Variants in PDE1A observed in about 807,000 individuals in gnomAD.
The protein encoded by PDE1A is phosphodiesterase 1A.
In PDE1A, 35 loss-of-function variants were observed where a neutral mutation model predicts 61.7. That is an observed-to-expected ratio of 0.57 (90% CI 0.43 to 0.75). PDE1A has a LOEUF of 0.75. Ranked by LOEUF, PDE1A falls within the 30% of genes least tolerant of loss-of-function variation. The pLI is 0.00. For missense variants in PDE1A, 597 were observed against 630.6 expected, an observed-to-expected ratio of 0.95 and a Z score of 0.57; for synonymous variants, 232 against 213.2, an observed-to-expected ratio of 1.09 and a Z score of -0.77.
chr2:182,687,648 G>A, the PDE1A span, among the ~76,000 whole-genome samples: 2 of 152,226 alleles, frequency 1.3e-5, no homozygotes, highest in African/African-American at 4.8e-5. Flanking sequence ...AAGGAACGCA[G>A]CTCCTCACCA....
chr2:182,635,698 C>CTCTCTCTCTCTA, the PDE1A span, among the ~76,000 whole-genome samples: 1,270 of 147,550 alleles, frequency 8.6e-3, 8 homozygotes, highest in African/African-American at 0.024. Context: ...CTCTCTCTCT[C>CTCTCTCTCTCTA]TCCACATATG....
chr2:182,187,995 G>A (rs966862588), intron 11 of PDE1A, among the ~76,000 whole-genome samples: 3 of 151,874 alleles, frequency 2.0e-5, no homozygotes, highest in East Asian at 1.9e-4. Flanking sequence ...TACCTGCCTC[G>A]GCCTCCCAAA....
At chr2:182,560,720 C>A in the PDE1A span, among the ~76,000 whole-genome samples, 1 of 152,098 alleles carries the variant, frequency 6.6e-6, no homozygotes, top group Non-Finnish European at 1.5e-5. Context: ...TCCTCTCCAG[C>A]ATCTGTTGTT....
the PDE1A span, among the ~76,000 whole-genome samples, chr2:182,624,238 T>C: frequency 6.6e-6 from 1 of 152,122 alleles, no homozygotes; most frequent in East Asian, 1.9e-4. Flanking sequence ...TAACTTTGTG[T>C]CTCCTGATTT....
chr2:182,148,105 C>A (rs975862714), intron 13 of PDE1A, among the ~76,000 whole-genome samples: 6 of 152,186 alleles, frequency 3.9e-5, no homozygotes, highest in Admixed American at 2.6e-4. Flanking sequence ...AGTCTCATTA[C>A]TTTCCTGATC....
intron 2 of PDE1A, among the ~76,000 whole-genome samples, chr2:182,459,997 C>T (rs1340231392): frequency 6.6e-6 from 1 of 152,176 alleles, no homozygotes; most frequent in Non-Finnish European, 1.5e-5. Flanking sequence ...TCTCCATTCA[C>T]TGACAACTGC....
chr2:182,415,530 C>A (rs1481120953), intron 1 of PDE1A, among the ~76,000 whole-genome samples: 6 of 152,134 alleles, frequency 3.9e-5, no homozygotes, highest in African/African-American at 1.4e-4. Context: ...AGATCTACAT[C>A]TTTCTGCTGT....
At chr2:182,147,101 T>C in exon 14 of PDE1A, 1 of 1,608,718 alleles carries the variant, frequency 6.2e-7, no homozygotes, top group Non-Finnish European at 8.5e-7. Flanking sequence ...CTCATCATGT[T>C]TTTCTTCAGC....
chr2:182,555,454 AAATT>A, the PDE1A span, among the ~76,000 whole-genome samples: 1 of 152,222 alleles, frequency 6.6e-6, no homozygotes, highest in East Asian at 1.9e-4. Context: ...TTTTTCACAT[AAATT>A]AACCAATTCT....
At chr2:182,552,650 C>A in the PDE1A span, among the ~76,000 whole-genome samples, 1 of 151,792 alleles carries the variant, frequency 6.6e-6, no homozygotes, top group African/African-American at 2.4e-5. Context: ...CCAATCAGAG[C>A]GCTCACTAAA....
chr2:182,637,980 C>T, the PDE1A span, among the ~76,000 whole-genome samples: 20 of 151,808 alleles, frequency 1.3e-4, 1 homozygote, highest in African/African-American at 2.2e-4. Flanking sequence ...CTATCACAGA[C>T]GGGAAGAAAC....
chr2:182,281,678 G>T (rs1481188208), intron 1 of PDE1A, among the ~76,000 whole-genome samples: 1 of 151,916 alleles, frequency 6.6e-6, no homozygotes, highest in Non-Finnish European at 1.5e-5. Context: ...ATAAATATCA[G>T]TGTGTCCAAA....
intron 13 of PDE1A, among the ~76,000 whole-genome samples, chr2:182,152,970 T>C (rs1559118667): frequency 1.3e-5 from 2 of 152,180 alleles, no homozygotes; most frequent in Non-Finnish European, 2.9e-5. Flanking sequence ...AAATTATGTA[T>C]TGGTTCATTA....
intron 1 of PDE1A, among the ~76,000 whole-genome samples, chr2:182,369,158 T>C (rs1367662316): frequency 1.3e-5 from 2 of 152,198 alleles, no homozygotes; most frequent in Non-Finnish European, 2.9e-5. Flanking sequence ...GGATATTTAG[T>C]ATGCCTCTCT....
chr2:182,395,628 T>G (rs187375057), intron 1 of PDE1A, among the ~76,000 whole-genome samples: 1 of 152,278 alleles, frequency 6.6e-6, no homozygotes, highest in East Asian at 1.9e-4. Context: ...ACCTGAAGTG[T>G]GCCAATTTTG....
chr2:182,398,349 A>G (rs1198799446), intron 1 of PDE1A, among the ~76,000 whole-genome samples: 1 of 152,000 alleles, frequency 6.6e-6, no homozygotes, highest in Non-Finnish European at 1.5e-5. Flanking sequence ...TCCTACTGAC[A>G]TGAAAAACCC....
chr2:182,486,255 T>C (rs1259721563), intron 2 of PDE1A, among the ~76,000 whole-genome samples: 2 of 152,014 alleles, frequency 1.3e-5, no homozygotes, highest in Non-Finnish European at 2.9e-5. Context: ...AAAAGAAGTG[T>C]AAAATTTGTA....
intron 2 of PDE1A, among the ~76,000 whole-genome samples, chr2:182,435,522 C>T (rs1684342214): frequency 6.6e-6 from 1 of 152,024 alleles, no homozygotes; most frequent in Admixed American, 6.6e-5. Context: ...GTTACAGAGG[C>T]TCACACCATC....
At chr2:182,513,630 C>A (rs1298625844) in intron 2 of PDE1A, among the ~76,000 whole-genome samples, 2 of 152,198 alleles carry the variant, frequency 1.3e-5, no homozygotes, top group African/African-American at 4.8e-5. Flanking sequence ...CTAAACGCCC[C>A]ACTTAAAAAG....
Sources: allele counts gnomAD v4.1 joint callset (sites outside exome capture counted in the v4.1 genomes callset), GRCh38; gene constraint gnomAD v4.1.1; transcripts MANE v1.5; gene names NCBI Gene and HGNC (gene_info 2026-07-23, HGNC 2026-07-21).